The following TYR variants were observed in gnomAD, a reference collection of about 807,000 sequenced individuals.
The protein encoded by TYR is LB24-AB.
TYR carries 58 observed loss-of-function variants against 51.5 expected under a neutral mutation model. The observed-to-expected ratio is 1.13, with a 90% confidence interval of 0.91 to 1.40. The LOEUF is 1.40. Ranked by LOEUF, TYR falls within the 40% of genes most tolerant of loss-of-function variation. TYR has a pLI of 0.00. For synonymous variants in TYR, 263 were observed against 235.2 expected (o/e 1.12, Z -1.08); for missense variants, 732 against 647.4 (o/e 1.13, Z -1.42).
At chr11:89,256,126 G>C (rs1565414511) in intron 3 of TYR, among the ~76,000 whole-genome samples, 1 of 151,614 alleles carries the variant, frequency 6.6e-6, no homozygotes. Context: ...TGGCTAATGA[G>C]CACGTAAAAT....
At chr11:89,224,503 A>G (rs1177538023) in intron 2 of TYR, among the ~76,000 whole-genome samples, 3 of 152,196 alleles carry the variant, frequency 2.0e-5, no homozygotes, top group Admixed American at 6.6e-5. Flanking sequence ...ACACTACTGC[A>G]GGTTCACAAA....
intron 2 of TYR, among the ~76,000 whole-genome samples, chr11:89,212,116 G>C (rs1943766259): frequency 6.6e-6 from 1 of 151,994 alleles, no homozygotes; most frequent in South Asian, 2.1e-4. Flanking sequence ...AGGAGACAGA[G>C]ACAAGAAAAT....
chr11:89,186,944 G>A (rs1162919720), intron 1 of TYR, among the ~76,000 whole-genome samples: 4 of 152,162 alleles, frequency 2.6e-5, no homozygotes, highest in African/African-American at 9.7e-5. Context: ...GGTTTCCTCT[G>A]CAAGACATAA....
chr11:89,186,136 A>T (rs1205720756), intron 1 of TYR, among the ~76,000 whole-genome samples: 1 of 152,178 alleles, frequency 6.6e-6, no homozygotes, highest in Non-Finnish European at 1.5e-5. Flanking sequence ...GTCCAGAGAA[A>T]GTAGGCCATC....
Position 89,275,726 on chromosome 11 carries a change from T to TA in TYR, c.1185-9040dup, listed in dbSNP as rs1433680373. On this transcript the variant is annotated intron_variant, in intron 3 of 4. Coordinates refer to ENST00000263321, the MANE Select transcript of TYR (RefSeq NM_000372.5). ...ATGTACAGAAAAAGAAAAATAACGTTAAAAAAATGGAAGTGAGGTACAGAA... is the reference window on the plus strand; with the variant it reads ...ATGTACAGAAAAAGAAAAATAACGTTAAAAAAAATGGAAGTGAGGTACAGAA... Among the ~76,000 whole-genome samples the TA allele has an allele frequency of 2.6e-5, 4 of 151,716 alleles. No homozygotes were observed. In the East Asian group the frequency reaches 5.8e-4, roughly 22 times the overall value.
At chr11:89,237,347 A>G (rs950715322) in intron 3 of TYR, among the ~76,000 whole-genome samples, 3 of 152,086 alleles carry the variant, frequency 2.0e-5, no homozygotes, top group African/African-American at 7.2e-5. Flanking sequence ...CTTACACTTA[A>G]GTCTTTAACC....
At chr11:89,254,164 TG>T (rs1944361893) in intron 3 of TYR, among the ~76,000 whole-genome samples, 2 of 151,806 alleles carry the variant, frequency 1.3e-5, no homozygotes, top group South Asian at 4.1e-4. Flanking sequence ...CCTGCATCCC[TG>T]GTATGAAACC....
rs1737918371 is a variant in TYR at position 89,177,958 on chromosome 11, T to C, written c.5T>C (p.Leu2Pro). 1.9e-6 allele frequency: 3 copies of C among 1,613,944 alleles called. No homozygotes were observed. Among genetic ancestry groups the C allele is most frequent in the Admixed American group, 1.7e-5 (1 of 60,006 alleles). Residue 2 changes from leucine (L) to proline (P), a missense_variant, in exon 1 of 5, where the codon CTC (leucine) becomes CCC (proline). Coordinates refer to ENST00000263321, the MANE Select transcript of TYR (RefSeq NM_000372.5). The stretch of plus-strand genomic sequence containing the variant: ...CTTGTGAGGACTAGAGGAAGAATGC[T>C]CCTGGCTGTTTTGTACTGCCTGCTG... Reference protein sequence around the residue: MLLAVLYCLLWS... With the variant: MPLAVLYCLLWS...
intron 3 of TYR, among the ~76,000 whole-genome samples, chr11:89,239,025 T>C (rs910381904): frequency 9.9e-5 from 15 of 152,264 alleles, no homozygotes; most frequent in Non-Finnish European, 2.1e-4. Context: ...TCATTAGGAA[T>C]ATTGGCCTGT....
intron 3 of TYR, among the ~76,000 whole-genome samples, chr11:89,232,758 T>C (rs4418813): frequency 0.38 from 53,880 of 142,158 alleles, 15,673 homozygotes; most frequent in African/African-American, 0.63. Flanking sequence ...TTAATGTAGA[T>C]TATTAAGTGT....
chr11:89,245,727 C>A (rs1251055124), intron 3 of TYR, among the ~76,000 whole-genome samples: 1 of 152,054 alleles, frequency 6.6e-6, no homozygotes, highest in Non-Finnish European at 1.5e-5. Context: ...TCAAGACCAT[C>A]CTGGCTAACA....
intron 4 of TYR, among the ~76,000 whole-genome samples, chr11:89,291,067 G>A (rs1434152193): frequency 6.6e-6 from 1 of 151,906 alleles, no homozygotes; most frequent in East Asian, 1.9e-4. Context: ...TAAATATGTA[G>A]TTGATTGTGA....
At chr11:89,214,512 C>G (rs1943807162) in intron 2 of TYR, among the ~76,000 whole-genome samples, 1 of 152,138 alleles carries the variant, frequency 6.6e-6, no homozygotes, top group African/African-American at 2.4e-5. Context: ...TACCATTTCA[C>G]CCAGCGATCC....
At chr11:89,238,534 C>T (rs1944150498) in intron 3 of TYR, among the ~76,000 whole-genome samples, 1 of 152,102 alleles carries the variant, frequency 6.6e-6, no homozygotes, top group Admixed American at 6.6e-5. Context: ...TGTCTGCAAA[C>T]CGGGACCATT....
chr11:89,218,722 T>C (rs1196837533), intron 2 of TYR, among the ~76,000 whole-genome samples: 1 of 152,212 alleles, frequency 6.6e-6, no homozygotes, highest in Non-Finnish European at 1.5e-5. Context: ...CTTAAATGCC[T>C]TATACCATAT....
At chr11:89,194,918 T>A (rs961385026) in intron 2 of TYR, among the ~76,000 whole-genome samples, 2 of 152,140 alleles carry the variant, frequency 1.3e-5, no homozygotes, top group Non-Finnish European at 2.9e-5. Context: ...GGCCTGAAAT[T>A]AGCCATGACT....
In TYR at chr11:89,191,287, GA is replaced by G. The variant is rs1384428375; in HGVS notation, c.908del (p.Asn303ThrfsTer16). ...GAGGGACCTTTACGGCGTAATCCTG[GA>G]AACCATGACAAATCCAGAACCCCAA... ...TPEGPLRRNP[G>X]NHDKSRTPRL... On this transcript the variant is annotated frameshift_variant, in exon 2 of 5. Coordinates refer to ENST00000263321, the MANE Select transcript of TYR (RefSeq NM_000372.5). LOFTEE classifies it high-confidence loss of function. 1 of 1,613,672 alleles carries G rather than the reference GA, an allele frequency of 6.2e-7. No homozygotes were observed.
At chr11:89,276,368 T>C (rs1209286235) in intron 3 of TYR, among the ~76,000 whole-genome samples, 1 of 151,748 alleles carries the variant, frequency 6.6e-6, no homozygotes, top group Non-Finnish European at 1.5e-5. Context: ...AGAAACCTCC[T>C]CATGGAGAGA....
Position 89,213,355 on chromosome 11 carries a change from A to C in TYR, c.1037-14468A>C, listed in dbSNP as rs376552380. 7.2e-5 allele frequency among the ~76,000 whole-genome samples: 11 copies of C among 152,292 alleles called. 1 individual carries two copies. Among genetic ancestry groups the C allele is most frequent in the East Asian group, 3.9e-4 (2 of 5,190 alleles). Reference sequence around the variant, plus strand: ...ATTCATAATTACTATAAAGAGAATAAAATACCTAGGAATCCAACTTACAAG... The same window carrying C: ...ATTCATAATTACTATAAAGAGAATACAATACCTAGGAATCCAACTTACAAG... On this transcript the variant is annotated intron_variant, in intron 2 of 4. Transcript: ENST00000263321.
Sources: gnomAD v4.1 joint callset for allele counts (sites outside exome capture counted in the v4.1 genomes callset) on GRCh38, gnomAD v4.1.1 for gene constraint, MANE v1.5 for transcripts, NCBI Gene and HGNC (gene_info 2026-07-23, HGNC 2026-07-21) for gene names.